RABGAP1L: variants seen among roughly 807,000 people sequenced by gnomAD.
RABGAP1L encodes the protein rab GTPase-activating protein 1-like.
Under a neutral mutation model 137.7 loss-of-function variants are expected in RABGAP1L, and 63 were observed. That is an observed-to-expected ratio of 0.46 (90% CI 0.37 to 0.56). The LOEUF (loss-of-function observed/expected upper bound fraction) is 0.56, where lower values mean the gene tolerates loss of function less well. Among genes scored for constraint, RABGAP1L ranks in the 20% least tolerant of loss-of-function variants. RABGAP1L has a pLI of 0.00. For synonymous variants in RABGAP1L, 431 were observed against 433.7 expected, an observed-to-expected ratio of 0.99 and a Z score of 0.08; for missense variants, 1,095 against 1,244.0, an observed-to-expected ratio of 0.88 and a Z score of 1.80.
At chr1:174,605,732 A>G (rs1264097706) in intron 13 of RABGAP1L, among the ~76,000 whole-genome samples, 2 of 152,178 alleles carry the variant, frequency 1.3e-5, no homozygotes, top group African/African-American at 4.8e-5. Context: ...TTCTGCAATT[A>G]ATTGTTGGGC....
intron 19 of RABGAP1L, among the ~76,000 whole-genome samples, chr1:174,884,356 T>C (rs1200339465): frequency 2.0e-5 from 3 of 152,202 alleles, no homozygotes; most frequent in Non-Finnish European, 4.4e-5. Flanking sequence ...TTCAGAGCAA[T>C]TCCATATGTC....
intron 18 of RABGAP1L, among the ~76,000 whole-genome samples, chr1:174,762,750 T>G (rs1685325182): frequency 6.6e-6 from 1 of 151,926 alleles, no homozygotes; most frequent in Non-Finnish European, 1.5e-5. Flanking sequence ...TCCTCCTATG[T>G]GTATATGAAT....
At chr1:174,498,596 A>G (rs1660956287) in intron 13 of RABGAP1L, among the ~76,000 whole-genome samples, 1 of 151,932 alleles carries the variant, frequency 6.6e-6, no homozygotes, top group Non-Finnish European at 1.5e-5. Flanking sequence ...TCCTGGGTTC[A>G]GATAATTCTC....
intron 13 of RABGAP1L, among the ~76,000 whole-genome samples, chr1:174,565,645 A>G (rs1385087039): frequency 1.3e-5 from 2 of 152,194 alleles, no homozygotes; most frequent in East Asian, 3.8e-4. Flanking sequence ...GAATTTTCCT[A>G]GCACATCTGA....
intron 10 of RABGAP1L, among the ~76,000 whole-genome samples, chr1:174,297,196 A>C (rs187352952): frequency 9.8e-5 from 15 of 152,336 alleles, no homozygotes. Context: ...AGAGAAAAAC[A>C]TAGAAATTTA....
Position 174,214,898 on chromosome 1 carries a change from T to C in RABGAP1L, c.-33-4227T>C, listed in dbSNP as rs141209357. On this transcript the variant is annotated intron_variant, in intron 1 of 25. Transcript: ENST00000681986. ...ACTATGAAGCTACTAAGAGAAATTA[T>C]TGGGAAACTCTCCAGGACGTTGGAC... Among the ~76,000 whole-genome samples, 4 of 152,166 alleles carry C rather than the reference T, an allele frequency of 2.6e-5. No homozygotes were observed. In the South Asian group the frequency reaches 8.3e-4, roughly 32 times the overall value.
chr1:174,865,703 G>A (rs1173547204), intron 19 of RABGAP1L, among the ~76,000 whole-genome samples: 1 of 152,118 alleles, frequency 6.6e-6, no homozygotes, highest in Non-Finnish European at 1.5e-5. Context: ...CGGGAGCTGC[G>A]GTGAGAAGAT....
At chr1:174,667,833 CT>C (rs745661665) in intron 14 of RABGAP1L, among the ~76,000 whole-genome samples, 5 of 152,310 alleles carry the variant, frequency 3.3e-5, no homozygotes, top group Non-Finnish European at 7.4e-5. Context: ...TGTTGACCTC[CT>C]CCACAGGGCT....
chr1:174,896,696 A>G (rs1445972669), intron 19 of RABGAP1L, among the ~76,000 whole-genome samples: 1 of 152,182 alleles, frequency 6.6e-6, no homozygotes, highest in African/African-American at 2.4e-5. Context: ...TTAAATAGGG[A>G]ATCCTTTCCC....
chr1:174,712,203 C>G (rs996671512), intron 17 of RABGAP1L, among the ~76,000 whole-genome samples: 1 of 152,168 alleles, frequency 6.6e-6, no homozygotes, highest in Non-Finnish European at 1.5e-5. Context: ...TGGGTGGGGC[C>G]AGATAAGAGA....
intron 21 of RABGAP1L, among the ~76,000 whole-genome samples, chr1:174,973,341 G>A (rs890624959): frequency 2.0e-5 from 3 of 151,562 alleles, no homozygotes; most frequent in Non-Finnish European, 4.4e-5. Context: ...AAAATTCCTC[G>A]GGGAAGTGTT....
At chr1:174,655,681 T>C (rs767738738) in intron 14 of RABGAP1L, among the ~76,000 whole-genome samples, 1 of 152,212 alleles carries the variant, frequency 6.6e-6, no homozygotes, top group Non-Finnish European at 1.5e-5. Context: ...CATCAGACTT[T>C]CAATTTATTA....
chr1:174,312,657 T>A (rs1193043462), intron 11 of RABGAP1L, among the ~76,000 whole-genome samples: 1 of 152,194 alleles, frequency 6.6e-6, no homozygotes, highest in Non-Finnish European at 1.5e-5. Context: ...TGTAGGGTAT[T>A]ACCCATGAAA....
chr1:174,631,759 C>T (rs1381061526), intron 13 of RABGAP1L, among the ~76,000 whole-genome samples: 31 of 146,436 alleles, frequency 2.1e-4, no homozygotes, highest in African/African-American at 7.3e-4. Context: ...GATCTTCCTC[C>T]ATCCTTTTAT....
At chr1:174,353,266 A>G (rs1367813272) in intron 11 of RABGAP1L, among the ~76,000 whole-genome samples, 2 of 152,134 alleles carry the variant, frequency 1.3e-5, no homozygotes, top group African/African-American at 2.4e-5. Flanking sequence ...CTCAGCTGGT[A>G]TTTAAGTTCC....
chr1:174,427,144 ATGTGTGTGTGTG>A (rs57986877), intron 13 of RABGAP1L, among the ~76,000 whole-genome samples: 406 of 144,670 alleles, frequency 2.8e-3, no homozygotes, highest in Non-Finnish European at 4.3e-3. Flanking sequence ...CCGCATGTTT[ATGTGTGTGTGTG>A]TGTGTGTGTG....
chr1:174,616,904 T>C (rs1158067495), intron 13 of RABGAP1L, among the ~76,000 whole-genome samples: 3 of 152,170 alleles, frequency 2.0e-5, no homozygotes, highest in Admixed American at 6.5e-5. Context: ...GTGATTCTTA[T>C]AATTAGTAAG....
At chr1:174,914,289 A>G (rs1246228121) in intron 19 of RABGAP1L, among the ~76,000 whole-genome samples, 2 of 152,212 alleles carry the variant, frequency 1.3e-5, no homozygotes, top group Non-Finnish European at 2.9e-5. Flanking sequence ...TCTCCCTGCC[A>G]ACAGGGGAAA....
At chr1:174,553,603 C>T (rs1178234233) in intron 13 of RABGAP1L, among the ~76,000 whole-genome samples, 1 of 152,186 alleles carries the variant, frequency 6.6e-6, no homozygotes, top group East Asian at 1.9e-4. Context: ...TACTCTAAAA[C>T]AGACAGATTG....
Sources: allele counts gnomAD v4.1 joint callset (sites outside exome capture counted in the v4.1 genomes callset), GRCh38; gene constraint gnomAD v4.1.1; transcripts MANE v1.5; gene names NCBI Gene and HGNC (gene_info 2026-07-23, HGNC 2026-07-21).